MFGE8: variants seen among roughly 807,000 people sequenced by gnomAD.
MFGE8 encodes the protein lactadherin.
In MFGE8, 34 loss-of-function variants were observed where a neutral mutation model predicts 42.6. The ratio of observed to expected loss-of-function variants is 0.80; its 90% confidence interval spans 0.61 to 1.06. The LOEUF is 1.06. Ranked by LOEUF, MFGE8 falls within the 50% of genes least tolerant of loss-of-function variation. MFGE8 has a pLI of 0.00. For synonymous variants in MFGE8, 230 were observed against 214.8 expected, an observed-to-expected ratio of 1.07 and a Z score of -0.62; for missense variants, 510 against 516.9, an observed-to-expected ratio of 0.99 and a Z score of 0.13.
chr15:88,906,583 G>A lies in MFGE8; in HGVS notation c.540+43C>T, dbSNP rs1214884567. On this transcript the variant is annotated intron_variant, in intron 4 of 7. Coordinates refer to ENST00000268150, the MANE Select transcript of MFGE8 (RefSeq NM_005928.4). This position sits in a 1 kb window ranked among gnomAD's most constrained non-coding sequence, Gnocchi z 4.2. ...CTCAGTCAATGCTAGAACCTTAGGG[G>A]GTATGGACCACAGCCCTTCTTTCGG... 4 of 1,611,462 alleles carry A rather than the reference G, an allele frequency of 2.5e-6. No individual in the cohort carries two copies. Among genetic ancestry groups the A allele is most frequent in the Admixed American group, 1.7e-5 (1 of 59,996 alleles).
Position 88,906,051 on chromosome 15 carries a change from G to A in MFGE8, c.541-150C>T. On this transcript the variant is annotated intron_variant, in intron 4 of 7. Transcript: ENST00000268150. This position sits in a 1 kb window ranked among gnomAD's most constrained non-coding sequence, Gnocchi z 4.2. ...GGAAGAGCCAGCAGAGGCTCACACA[G>A]CAGCCTCTCCTTTGGCCACCCCACG... The A allele has an allele frequency of 1.1e-6, 1 of 884,606 alleles. No homozygotes were observed. Among genetic ancestry groups the A allele is most frequent in the Non-Finnish European group, 1.8e-6 (1 of 554,784 alleles). 54.8% of individuals were successfully genotyped at this position (884,606 alleles called of 1,614,324 possible).
rs1371941237 is a variant in MFGE8, at chr15:88,901,265, ACG to A, written c.870+284_870+285del. 1.4e-4 allele frequency among the ~76,000 whole-genome samples: 18 copies of A among 125,544 alleles called. 1 individual carries two copies. Among genetic ancestry groups the A allele is most frequent in the South Asian group, 5.3e-4 (2 of 3,742 alleles). The allele number at this position is 125,544 out of a possible 152,430, so 82.4% of individuals were successfully genotyped here. On this transcript the variant is annotated intron_variant, in intron 6 of 7. Coordinates refer to ENST00000268150, the MANE Select transcript of MFGE8 (RefSeq NM_005928.4). ...CATTCACACGCACGCATTCACACGC[ACG>A]CATTCACACACACTCACATTCACAC... is the stretch of plus-strand genomic sequence containing the variant.
chr15:88,911,667 T>C (rs935523280), intron 1 of MFGE8, among the ~76,000 whole-genome samples: 3 of 151,396 alleles, frequency 2.0e-5, no homozygotes, highest in Non-Finnish European at 2.9e-5. Context: ...GCGAAGCTTG[T>C]AGTGAGCCAA....
At chr15:88,908,274 G>A (rs1017152342) in intron 2 of MFGE8, among the ~76,000 whole-genome samples, 10 of 152,140 alleles carry the variant, frequency 6.6e-5, no homozygotes, top group South Asian at 2.1e-4. Context: ...CATCACAGGC[G>A]CGGACGAGCT....
chr15:88,899,255 G>A lies in MFGE8; in HGVS notation c.*140C>T. On this transcript the variant is annotated 3_prime_UTR_variant, in exon 8 of 8. Transcript: ENST00000268150. This position sits in a 1 kb window ranked among gnomAD's most constrained non-coding sequence, Gnocchi z 6.8. ...GTGGAGGGTGGGAAAGAGGGAGGGAGGGGTGACTGTGTGGTGGTGCTGCCT... is the reference window on the plus strand; with the variant it reads ...GTGGAGGGTGGGAAAGAGGGAGGGAAGGGTGACTGTGTGGTGGTGCTGCCT... 2.6e-6 allele frequency: 3 copies of A among 1,143,372 alleles called. No individual in the cohort carries two copies. The highest frequency in any genetic ancestry group is 2.5e-6 in the Non-Finnish European group (2 of 797,350). The allele number at this position is 1,143,372 out of a possible 1,614,324, so 70.8% of individuals were successfully genotyped here. A position where few individuals can be genotyped will look rare whatever the true frequency, so the allele number is the denominator to read the frequency against.
chr15:88,912,856 C>A (rs1899032395), intron 1 of MFGE8: 1 of 985,332 alleles, frequency 1.0e-6, no homozygotes, highest in African/African-American at 1.7e-5. Flanking sequence ...GTTATCCAGA[C>A]AAGACTTATC....
Position 88,913,278 on chromosome 15 carries a change from C to T in MFGE8, c.42G>A (p.Leu14=), listed in dbSNP as rs751103139. 6 of 1,494,732 alleles carry T rather than the reference C, an allele frequency of 4.0e-6. No homozygotes were observed. The South Asian group carries it at 6.3e-5, about 16-fold the overall frequency. 92.6% of individuals were successfully genotyped at this position (1,494,732 alleles called of 1,614,324 possible). Residue 14 remains leucine (L), a synonymous_variant, in exon 1 of 8, where the codon CTG becomes CTA. Transcript: ENST00000268150. ...PRLLAALCGA[L]LCAPSLLVAL... ...CGACGAGGAGGCTGGGGGCGCAGAGCAGCGCGCCGCACAGCGCGGCCAGCA... is the reference window on the plus strand; with the variant it reads ...CGACGAGGAGGCTGGGGGCGCAGAGTAGCGCGCCGCACAGCGCGGCCAGCA...
At position 88,899,157 on chromosome 15, in the gene MFGE8, C is replaced by G. The variant is rs16942450; in HGVS notation, c.*238G>C. 4,606 of 599,214 alleles carry G rather than the reference C, an allele frequency of 7.7e-3. 210 individuals are homozygous for G. Among genetic ancestry groups the G allele is most frequent in the African/African-American group, 0.076 (4,107 of 53,864 alleles). The allele number at this position is 599,214 out of a possible 1,614,324, so 37.1% of individuals were successfully genotyped here. A position where few individuals can be genotyped will look rare whatever the true frequency, so the allele number is the denominator to read the frequency against. ...CCAGACCTACTCAGATCCCTCAGTG[C>G]CTAAGAAAACAGGACAGTGAGGACT... is the stretch of plus-strand genomic sequence containing the variant. On this transcript the variant is annotated 3_prime_UTR_variant, in exon 8 of 8. Transcript: ENST00000268150. The surrounding 1 kb of genome is among the most constrained non-coding windows in gnomAD (Gnocchi z 6.8).
At chr15:88,912,942 C>T (rs1253289377) in intron 1 of MFGE8, 1 of 985,270 alleles carries the variant, frequency 1.0e-6, no homozygotes, top group Non-Finnish European at 1.2e-6. Flanking sequence ...CATTTTTCAC[C>T]AGGGAAAAGA....
rs750432286 is a variant in MFGE8 at position 88,907,181 on chromosome 15, A to AT, written c.387+13dup. 1 of 1,610,886 alleles carries AT rather than the reference A, an allele frequency of 6.2e-7. No homozygotes were observed. The highest frequency in any genetic ancestry group is 2.2e-5 in the East Asian group (1 of 44,782). ...CTCTCCATTGCCCCGCCCCAGGGCC[A>AT]TCCCCAGGCATACCTGGATCCAGGG... On this transcript the variant is annotated intron_variant, in intron 3 of 7. Transcript: ENST00000268150.
intron 6 of MFGE8, among the ~76,000 whole-genome samples, chr15:88,901,037 T>TC (rs1359153080): frequency 8.6e-6 from 1 of 116,848 alleles, no homozygotes; most frequent in Non-Finnish European, 1.8e-5. Flanking sequence ...ACACACATAT[T>TC]CACACACATT....
Position 88,909,854 on chromosome 15 carries a change from T to C in MFGE8, c.143A>G (p.Asp48Gly). 1 of 1,614,182 alleles carries C rather than the reference T, an allele frequency of 6.2e-7. No individual in the cohort carries two copies. The highest frequency in any genetic ancestry group is 2.2e-5 in the East Asian group (1 of 44,880). ...CGTGCAGGTGTACGAGGGGAAGACA[T>C]CTCCTCGCACTTCTTGGGAAATCTC... ...CEEISQEVRG[D>G]VFPSYTCTCL... The change falls in exon 2 of 8, where the codon GAT becomes GGT. Residue 48 changes from aspartate (D) to glycine (G), a missense_variant. Transcript: ENST00000268150.
rs1247025818 is a variant in MFGE8, at chr15:88,899,212, G to C, written c.*183C>G. 2.5e-6 allele frequency: 2 copies of C among 785,532 alleles called. No individual in the cohort carries two copies. Among genetic ancestry groups the C allele is most frequent in the African/African-American group, 1.7e-5 (1 of 58,280 alleles). 48.7% of individuals were successfully genotyped at this position (785,532 alleles called of 1,614,324 possible). A position where few individuals can be genotyped will look rare whatever the true frequency, so the allele number is the denominator to read the frequency against. On this transcript the variant is annotated 3_prime_UTR_variant, in exon 8 of 8. Coordinates refer to ENST00000268150, the MANE Select transcript of MFGE8 (RefSeq NM_005928.4). This position sits in a 1 kb window ranked among gnomAD's most constrained non-coding sequence, Gnocchi z 6.8. ...GTTAGGGGACGGGGCTTAGGGGCTG[G>C]GGCAGGGCCCGTGAGAGGTGGAGGG...
chr15:88,908,997 A>G lies in MFGE8; in HGVS notation c.205+795T>C, dbSNP rs1898828768. ...TGTCCCCTACCCAAGATGCTCAGCG[A>G]TTGACCTGCTGGATTCAGAAACCTA... On this transcript the variant is annotated intron_variant, in intron 2 of 7. Coordinates refer to ENST00000268150, the MANE Select transcript of MFGE8 (RefSeq NM_005928.4). Among the ~76,000 whole-genome samples, 2 of 152,094 alleles carry G rather than the reference A, an allele frequency of 1.3e-5. 1 individual carries two copies. The highest frequency in any genetic ancestry group is 4.1e-4 in the South Asian group (2 of 4,834).
rs368818783 is a variant in MFGE8, at chr15:88,905,954, T to C, written c.541-53A>G. ...AGGGGGTCCATCTGAGCAGTCCCCC[T>C]CCCTGGGGTTACCTCATCTTCCTCT... On this transcript the variant is annotated intron_variant, in intron 4 of 7. Coordinates refer to ENST00000268150, the MANE Select transcript of MFGE8 (RefSeq NM_005928.4). This position sits in a 1 kb window ranked among gnomAD's most constrained non-coding sequence, Gnocchi z 6.6. 6.2e-7 allele frequency: 1 copy of C among 1,605,222 alleles called. No homozygotes were observed.
At chr15:88,907,129 C>A in intron 3 of MFGE8, 66 bp downstream of exon 3, 2 of 1,553,224 alleles carry the variant, frequency 1.3e-6, no homozygotes, top group Admixed American at 1.9e-5. Context: ...GGGTAACCCC[C>A]AAATGCAGAA....
intron 2 of MFGE8, 46 bp downstream of exon 2, chr15:88,909,746 A>G: frequency 6.2e-7 from 1 of 1,612,306 alleles, no homozygotes; most frequent in African/African-American, 1.3e-5. Context: ...GCTGTGGCTC[A>G]GGGTCTACTG....
In MFGE8 at chr15:88,907,380, A is replaced by C; in HGVS notation, c.206-4T>G. ...AGGCCCAGTGGCTCGACACATTCTG[A>C]GGGAAGGGAGGTGGCAGTCAGGTGG... is the stretch of plus-strand genomic sequence containing the variant. On this transcript the variant is annotated splice_polypyrimidine_tract_variant and splice_region_variant and intron_variant, in intron 2 of 7. Coordinates refer to ENST00000268150, the MANE Select transcript of MFGE8 (RefSeq NM_005928.4). The C allele has an allele frequency of 6.2e-7, 1 of 1,614,026 alleles. No homozygotes were observed. The highest frequency in any genetic ancestry group is 8.5e-7 in the Non-Finnish European group (1 of 1,179,972).
At chr15:88,910,494 CAG>C (rs1237860755) in intron 1 of MFGE8, 1 of 184,468 alleles carries the variant, frequency 5.4e-6, no homozygotes, top group African/African-American at 2.4e-5. Flanking sequence ...GCCCCCGAGA[CAG>C]AGAAATCAGA....
Sources: allele counts gnomAD v4.1 joint callset (sites outside exome capture counted in the v4.1 genomes callset), GRCh38; gene constraint gnomAD v4.1.1; non-coding constraint Gnocchi (gnomAD v3.1); transcripts MANE v1.5; gene names NCBI Gene and HGNC (gene_info 2026-07-23, HGNC 2026-07-21).